Variants in ZNG1A observed in about 807,000 individuals in gnomAD.
The protein encoded by ZNG1A is Zn regulated GTPase metalloprotein activator 1A.
At chr9:147,585 G>A in the ZNG1A span, 2 of 140,456 alleles carry the variant, frequency 1.4e-5, no homozygotes, top group Non-Finnish European at 3.0e-5. Flanking sequence ...TCAAATTCTG[G>A]GCATTTTAGA....
the ZNG1A span, chr9:122,177 T>C: frequency 1.3e-6 from 2 of 1,505,242 alleles, no homozygotes; most frequent in East Asian, 2.3e-5. Context: ...ATGGATTAAT[T>C]ACTGATATTC....
the ZNG1A span, among the ~76,000 whole-genome samples, chr9:168,502 T>A: frequency 6.6e-6 from 1 of 150,486 alleles, no homozygotes; most frequent in East Asian, 1.9e-4. Flanking sequence ...ACTGCCCACC[T>A]CGGCCTCCCA....
At chr9:163,240 C>A in the ZNG1A span, among the ~76,000 whole-genome samples, 1 of 151,892 alleles carries the variant, frequency 6.6e-6, no homozygotes, top group African/African-American at 2.4e-5. Flanking sequence ...GAAGGCATAT[C>A]ATTGCCCAAA....
the ZNG1A span, among the ~76,000 whole-genome samples, chr9:133,874 A>C: frequency 1.9e-4 from 29 of 151,462 alleles, no homozygotes; most frequent in African/African-American, 6.8e-4. Flanking sequence ...TTTCAAGCAA[A>C]CTGCAAGGCA....
the ZNG1A span, among the ~76,000 whole-genome samples, chr9:139,814 G>A: frequency 6.6e-5 from 10 of 151,642 alleles, no homozygotes; most frequent in East Asian, 1.4e-3. Context: ...TGCACCATCC[G>A]CGAGCCGAAG....
chr9:167,332 GA>G, the ZNG1A span: 1 of 151,152 alleles, frequency 6.6e-6, no homozygotes, highest in Admixed American at 6.6e-5. Context: ...AATAAAAAGA[GA>G]AAACATTGGA....
the ZNG1A span, among the ~76,000 whole-genome samples, chr9:177,356 T>C: frequency 6.6e-6 from 1 of 151,974 alleles, no homozygotes; most frequent in Non-Finnish European, 1.5e-5. Flanking sequence ...AGACTCCAGA[T>C]TAGTCAGGAG....
the ZNG1A span, among the ~76,000 whole-genome samples, chr9:171,221 T>C: frequency 2.6e-5 from 4 of 152,158 alleles, no homozygotes; most frequent in African/African-American, 9.7e-5. Flanking sequence ...CTGATCACAT[T>C]TGAACTCTCA....
chr9:156,557 C>G, the ZNG1A span: 2 of 1,592,166 alleles, frequency 1.3e-6, no homozygotes, highest in Non-Finnish European at 1.7e-6. Flanking sequence ...AATAAAGTTA[C>G]TATAATACAA....
the ZNG1A span, among the ~76,000 whole-genome samples, chr9:144,399 A>C: frequency 6.6e-6 from 1 of 150,500 alleles, no homozygotes; most frequent in Non-Finnish European, 1.5e-5. Context: ...CCGCATATCT[A>C]CAACTATCTG....
chr9:176,665 T>C, the ZNG1A span, among the ~76,000 whole-genome samples: 1 of 151,974 alleles, frequency 6.6e-6, no homozygotes, highest in Non-Finnish European at 1.5e-5. Context: ...ATATGAAGTA[T>C]AGAATGGAAG....
chr9:177,900 A>G, the ZNG1A span: 3 of 1,521,064 alleles, frequency 2.0e-6, no homozygotes, highest in Admixed American at 4.1e-5. Context: ...CAGTCTACAA[A>G]GTTTTTAAAA....
the ZNG1A span, chr9:171,892 A>G: frequency 1.4e-6 from 1 of 720,002 alleles, no homozygotes; most frequent in Non-Finnish European, 2.3e-6. Flanking sequence ...AGTACCAAGA[A>G]ATACTCTGTT....
At chr9:141,657 C>T in the ZNG1A span, among the ~76,000 whole-genome samples, 9 of 151,472 alleles carry the variant, frequency 5.9e-5, 1 homozygote, top group East Asian at 1.8e-3. Context: ...AACCAGCTAA[C>T]ATCATAATGA....
At chr9:121,850 A>C in the ZNG1A span, 1 of 1,500,920 alleles carries the variant, frequency 6.7e-7, no homozygotes, top group Non-Finnish European at 9.0e-7. Flanking sequence ...CCACAAGCTT[A>C]TTTAGTTTTA....
At chr9:150,116 G>GTTTTTTTTTTTTTTTTTTTTTTTTTTT in the ZNG1A span, 1 of 101,388 alleles carries the variant, frequency 9.9e-6, no homozygotes, top group Non-Finnish European at 1.9e-5. Flanking sequence ...CAAATCTCCG[G>GTTTTTTTTTTTTTTTTTTTTTTTTTTT]TTTTGTTTTT....
chr9:141,857 C>G, the ZNG1A span, among the ~76,000 whole-genome samples: 4 of 152,150 alleles, frequency 2.6e-5, no homozygotes, highest in Non-Finnish European at 4.4e-5. Flanking sequence ...ATCTACCAAG[C>G]AAATGGAAAA....
chr9:172,380 G>T, the ZNG1A span: 5 of 541,224 alleles, frequency 9.2e-6, no homozygotes, highest in Non-Finnish European at 9.9e-6. Flanking sequence ...TAGGTAAAAA[G>T]AAATCATATA....
chr9:140,135 G>A, the ZNG1A span, among the ~76,000 whole-genome samples: 2 of 151,066 alleles, frequency 1.3e-5, no homozygotes, highest in Non-Finnish European at 2.9e-5. Context: ...AAGCAGCCGG[G>A]AAGCTCGAAC....
Sources: gnomAD v4.1 joint callset for allele counts (sites outside exome capture counted in the v4.1 genomes callset) on GRCh38, gnomAD v4.1.1 for gene constraint, MANE v1.5 for transcripts, NCBI Gene and HGNC (gene_info 2026-07-23, HGNC 2026-07-21) for gene names.